IQSEC1: variants seen among roughly 807,000 people sequenced by gnomAD.
IQSEC1 encodes the protein IQ motif and SEC7 domain-containing protein 1.
In IQSEC1, 31 loss-of-function variants were observed where a neutral mutation model predicts 91.0. The observed-to-expected ratio is 0.34, with a 90% CI of 0.26 to 0.46. IQSEC1 has a LOEUF of 0.46. Ranked by LOEUF, IQSEC1 falls within the 20% of genes least tolerant of loss-of-function variation. IQSEC1 has a pLI of 1.00. For missense variants in IQSEC1, 1,388 were observed against 1,575.6 expected (o/e 0.88, Z 2.02); for synonymous variants, 699 against 662.6 (o/e 1.05, Z -0.84).
Position 12,917,488 on chromosome 3 carries a change from C to T in IQSEC1, c.2021-1755G>A, listed in dbSNP as rs1696209381. Among the ~76,000 whole-genome samples, 5 of 152,244 alleles carry T rather than the reference C, an allele frequency of 3.3e-5. No homozygotes were observed. In the South Asian group the frequency reaches 1.0e-3, roughly 32 times the overall value. Reference sequence around the variant, plus strand: ...TTCCAGAATGTCATAGAGTTGGAATCACATAGCACGCAGCCTGTTCAGACT... The same window carrying T: ...TTCCAGAATGTCATAGAGTTGGAATTACATAGCACGCAGCCTGTTCAGACT... On this transcript the variant is annotated intron_variant, in intron 6 of 13. Coordinates refer to ENST00000613206, the MANE Select transcript of IQSEC1 (RefSeq NM_001134382.3).
rs1702145986 is a variant in IQSEC1, at chr3:12,994,539, C to A, written c.24-52674G>T. On this transcript the variant is annotated intron_variant, in intron 1 of 13. Transcript: ENST00000613206. This position sits in a 1 kb window ranked among gnomAD's most constrained non-coding sequence, Gnocchi z 4.5. The stretch of plus-strand genomic sequence containing the variant: ...CATTTCCCTCAGACTACCCCAGACC[C>A]CCAATAAACAGCGAACAAACGCACC... Among the ~76,000 whole-genome samples the A allele has an allele frequency of 2.0e-5, 3 of 152,092 alleles. No individual in the cohort carries two copies. In the South Asian group the frequency reaches 6.2e-4, roughly 32 times the overall value.
intron 1 of IQSEC1, among the ~76,000 whole-genome samples, chr3:13,244,961 G>A (rs1452318407): frequency 4.6e-5 from 7 of 152,156 alleles, no homozygotes; most frequent in South Asian, 2.1e-4. Context: ...ATGGAGGCAC[G>A]CAAATGGAGC....
intron 1 of IQSEC1, among the ~76,000 whole-genome samples, chr3:13,019,793 C>T (rs1397743788): frequency 6.6e-6 from 1 of 152,170 alleles, no homozygotes; most frequent in Non-Finnish European, 1.5e-5. Flanking sequence ...GGTGAGGAGG[C>T]CACCCGCCAG....
At chr3:13,236,710 C>T (rs1694935554) in intron 1 of IQSEC1, among the ~76,000 whole-genome samples, 1 of 152,224 alleles carries the variant, frequency 6.6e-6, no homozygotes, top group South Asian at 2.1e-4. Context: ...CACCCGGGCC[C>T]CTGTGCTAGG....
chr3:13,090,630 C>T (rs1259263426), intron 2 of IQSEC1, among the ~76,000 whole-genome samples: 1 of 152,194 alleles, frequency 6.6e-6, no homozygotes, highest in Non-Finnish European at 1.5e-5. Flanking sequence ...AGGCCCCACG[C>T]TGGGCTGAGA....
At chr3:13,229,833 T>A (rs1278147776) in intron 1 of IQSEC1, among the ~76,000 whole-genome samples, 1 of 152,202 alleles carries the variant, frequency 6.6e-6, no homozygotes, top group East Asian at 1.9e-4. Context: ...ACTTCCTAGC[T>A]GTGTGAACTT....
intron 1 of IQSEC1, among the ~76,000 whole-genome samples, chr3:12,948,881 A>C (rs1233163029): frequency 6.6e-6 from 1 of 152,232 alleles, no homozygotes; most frequent in East Asian, 1.9e-4. Flanking sequence ...CATTGTGTTC[A>C]TGCAACTTCT....
intron 1 of IQSEC1, among the ~76,000 whole-genome samples, chr3:13,052,070 G>C (rs1440433977): frequency 6.6e-6 from 1 of 152,130 alleles, no homozygotes; most frequent in African/African-American, 2.4e-5. Flanking sequence ...TGGGCCTATG[G>C]GGACTTCACC....
intron 1 of IQSEC1, among the ~76,000 whole-genome samples, chr3:13,012,253 T>C (rs1039469552): frequency 2.0e-5 from 3 of 152,198 alleles, no homozygotes; most frequent in African/African-American, 7.2e-5. Context: ...TCAGCTCCAC[T>C]GTGTATGAGT....
intron 1 of IQSEC1, among the ~76,000 whole-genome samples, chr3:12,945,892 G>T (rs1482855615): frequency 6.6e-6 from 1 of 152,250 alleles, no homozygotes; most frequent in African/African-American, 2.4e-5. Context: ...AGGACAGGAA[G>T]TTATCGAACT....
At chr3:12,989,768 G>A (rs968660867) in intron 1 of IQSEC1, among the ~76,000 whole-genome samples, 1 of 152,066 alleles carries the variant, frequency 6.6e-6, no homozygotes, top group East Asian at 1.9e-4. Flanking sequence ...GTGTTTTTCC[G>A]GTCTCTTCCA....
intron 1 of IQSEC1, among the ~76,000 whole-genome samples, chr3:13,006,961 T>C (rs74844176): frequency 0.014 from 2,124 of 152,298 alleles, 23 homozygotes; most frequent in Non-Finnish European, 0.022. Flanking sequence ...ATCACAAAGC[T>C]CTGCTACCGG....
intron 3 of IQSEC1, among the ~76,000 whole-genome samples, chr3:12,930,064 G>C (rs1403490284): frequency 1.3e-5 from 2 of 152,256 alleles, no homozygotes; most frequent in Admixed American, 6.5e-5. Flanking sequence ...AGGCTCTGAG[G>C]AAGAGCTGCT....
chr3:13,165,574 GTGTGTGTC>G (rs1693476875), intron 1 of IQSEC1, among the ~76,000 whole-genome samples: 49 of 84,574 alleles, frequency 5.8e-4, no homozygotes, highest in African/African-American at 1.9e-3. Flanking sequence ...GTGTGTGTGT[GTGTGTGTC>G]TGTCTGTCTT....
At chr3:13,205,466 TCTCTC>T (rs1399281985) in intron 1 of IQSEC1, among the ~76,000 whole-genome samples, 1 of 151,652 alleles carries the variant, frequency 6.6e-6, no homozygotes, top group African/African-American at 2.4e-5. Flanking sequence ...CATCCTTCCT[TCTCTC>T]CCTCCATCTA....
rs143433353 is a variant in IQSEC1, at chr3:13,029,022, G to A, written c.23+43970C>T. 3.5e-4 allele frequency among the ~76,000 whole-genome samples: 54 copies of A among 152,302 alleles called. No homozygotes were observed. The East Asian group carries it at 8.9e-3, about 25-fold the overall frequency. ...GAGAAAAATAGGATCTATCTCCAGGGGTTGTGAAGATGAAACAAATGGAAG... is the reference window on the plus strand; with the variant it reads ...GAGAAAAATAGGATCTATCTCCAGGAGTTGTGAAGATGAAACAAATGGAAG... On this transcript the variant is annotated intron_variant, in intron 1 of 13. Transcript: ENST00000613206.
At chr3:12,934,388 C>T (rs1269970469) in intron 3 of IQSEC1, among the ~76,000 whole-genome samples, 1 of 152,208 alleles carries the variant, frequency 6.6e-6, no homozygotes, top group African/African-American at 2.4e-5. Context: ...AGGAATGGCT[C>T]AAAAGCACCA....
intron 1 of IQSEC1, among the ~76,000 whole-genome samples, chr3:12,964,221 T>C (rs1700417252): frequency 6.6e-6 from 1 of 152,178 alleles, no homozygotes; most frequent in East Asian, 1.9e-4. Flanking sequence ...AGAGCCTTAA[T>C]GGCCTCTAAA....
intron 1 of IQSEC1, among the ~76,000 whole-genome samples, chr3:13,258,046 T>C (rs1042908781): frequency 6.6e-6 from 1 of 152,118 alleles, no homozygotes; most frequent in Non-Finnish European, 1.5e-5. Flanking sequence ...TGCATATGAC[T>C]AAGTGAAAGA....
Sources: allele counts gnomAD v4.1 joint callset (sites outside exome capture counted in the v4.1 genomes callset), GRCh38; gene constraint gnomAD v4.1.1; non-coding constraint Gnocchi (gnomAD v3.1); transcripts MANE v1.5; gene names NCBI Gene and HGNC (gene_info 2026-07-23, HGNC 2026-07-21).